HIPK2: variants seen among roughly 807,000 people sequenced by gnomAD.
HIPK2 encodes homeodomain interacting protein kinase 2, also known as homeodomain-interacting protein kinase 2.
HIPK2 carries 27 observed loss-of-function variants against 113.7 expected under a neutral mutation model. The ratio of observed to expected loss-of-function variants is 0.24; its 90% confidence interval spans 0.17 to 0.33. The LOEUF is 0.33. HIPK2 is among the 10% of genes least tolerant of loss of function. The pLI is 1.00. For synonymous variants in HIPK2, 631 were observed against 642.2 expected (o/e 0.98, Z 0.26); for missense variants, 1,257 against 1,588.0 (o/e 0.79, Z 3.54).
Position 139,613,412 on chromosome 7 carries a change from CT to C in HIPK2, c.1991-90del. On this transcript the variant is annotated intron_variant, in intron 8 of 14. Coordinates refer to ENST00000406875, the MANE Select transcript of HIPK2 (RefSeq NM_022740.5). The surrounding 1 kb of genome is among the most constrained non-coding windows in gnomAD (Gnocchi z 4.2). Reference sequence around the variant, plus strand: ...GAACCTTCCTGGGCAGTTATGTCAACTTTCTGCTTCCCTTTGCACTGGTCAC... The same window carrying C: ...GAACCTTCCTGGGCAGTTATGTCAACTTCTGCTTCCCTTTGCACTGGTCAC... 6.7e-7 allele frequency: 1 copy of C among 1,497,938 alleles called. No homozygotes were observed. The highest frequency in any genetic ancestry group is 9.1e-7 in the Non-Finnish European group (1 of 1,103,444). 92.8% of individuals were successfully genotyped at this position (1,497,938 alleles called of 1,614,324 possible).
At chr7:139,619,079 G>A (rs1168197221) in intron 7 of HIPK2, among the ~76,000 whole-genome samples, 1 of 152,140 alleles carries the variant, frequency 6.6e-6, no homozygotes, top group Non-Finnish European at 1.5e-5. Context: ...CAGATACCAG[G>A]TGGTGTCTCC....
At position 139,621,923 on chromosome 7, in the gene HIPK2, A is replaced by G. The variant is rs572663385; in HGVS notation, c.1620-1360T>C. On this transcript the variant is annotated intron_variant, in intron 6 of 14. Transcript: ENST00000406875. ...GGGTGACAGGGTGAGACCCTGTCTCAGGAAAAAAAAAAAAAAAAAAATTAA... is the reference window on the plus strand; with the variant it reads ...GGGTGACAGGGTGAGACCCTGTCTCGGGAAAAAAAAAAAAAAAAAAATTAA... 1.1e-4 allele frequency among the ~76,000 whole-genome samples: 14 copies of G among 128,198 alleles called. 1 individual carries two copies. The East Asian group carries it at 2.4e-3, about 22-fold the overall frequency. 84.1% of individuals were successfully genotyped at this position (128,198 alleles called of 152,430 possible).
intron 1 of HIPK2, among the ~76,000 whole-genome samples, chr7:139,771,298 T>C (rs1796645124): frequency 6.6e-6 from 1 of 152,110 alleles, no homozygotes; most frequent in South Asian, 2.1e-4. Flanking sequence ...ACTTATGGCC[T>C]CTGCATTCTG....
chr7:139,629,466 A>G (rs973066543), intron 4 of HIPK2, among the ~76,000 whole-genome samples: 1 of 152,238 alleles, frequency 6.6e-6, no homozygotes, highest in African/African-American at 2.4e-5. Flanking sequence ...GTTCTAAAGC[A>G]CATTTATTCA....
At chr7:139,664,089 C>T (rs1478531870) in intron 2 of HIPK2, among the ~76,000 whole-genome samples, 1 of 152,226 alleles carries the variant, frequency 6.6e-6, no homozygotes, top group East Asian at 1.9e-4. Context: ...AGCGTCCTCC[C>T]CTCATGCCCA....
chr7:139,717,391 C>T (rs1293936895), intron 1 of HIPK2, among the ~76,000 whole-genome samples: 5 of 152,182 alleles, frequency 3.3e-5, no homozygotes, highest in Admixed American at 3.3e-4. Context: ...TCTGCTGTCA[C>T]GTACTTCGTT....
chr7:139,573,574 G>A (rs531970020), intron 14 of HIPK2, among the ~76,000 whole-genome samples, 177 bp from the exon 15 acceptor site: 2 of 152,308 alleles, frequency 1.3e-5, no homozygotes, highest in South Asian at 4.1e-4. Flanking sequence ...TGGCGCAGTG[G>A]CTCACGCCTG....
At chr7:139,710,985 CTG>C (rs1795048197) in intron 2 of HIPK2, among the ~76,000 whole-genome samples, 1 of 149,124 alleles carries the variant, frequency 6.7e-6, no homozygotes, top group South Asian at 2.1e-4. Context: ...CCCCGCAGAA[CTG>C]TGAGTCAATT....
At chr7:139,685,234 G>T (rs773855027) in intron 2 of HIPK2, among the ~76,000 whole-genome samples, 1 of 152,146 alleles carries the variant, frequency 6.6e-6, no homozygotes, top group Non-Finnish European at 1.5e-5. Flanking sequence ...GCAGTGGCAC[G>T]ATCTCAGCTC....
chr7:139,728,646 A>C (rs1276725350), intron 1 of HIPK2, among the ~76,000 whole-genome samples: 1 of 152,250 alleles, frequency 6.6e-6, no homozygotes, highest in Non-Finnish European at 1.5e-5. Flanking sequence ...ACATTCTGAG[A>C]TATGGAAGGT....
chr7:139,735,106 G>C (rs1015308178), intron 1 of HIPK2, among the ~76,000 whole-genome samples: 1 of 152,176 alleles, frequency 6.6e-6, no homozygotes, highest in Non-Finnish European at 1.5e-5. Context: ...TGTCGAGGGG[G>C]GAAGGGAATA....
In HIPK2 at chr7:139,680,979, C is replaced by T. The variant is rs186011828; in HGVS notation, c.1103+34953G>A. ...GCCATGGGTTTCCTGTGGAGAACAT[C>T]GTCACGCTATATTCATCTTTCCTCT... On this transcript the variant is annotated intron_variant, in intron 2 of 14. Coordinates refer to ENST00000406875, the MANE Select transcript of HIPK2 (RefSeq NM_022740.5). Among the ~76,000 whole-genome samples, 105 of 152,356 alleles carry T rather than the reference C, an allele frequency of 6.9e-4. No individual in the cohort carries two copies. The East Asian group carries it at 0.018, about 26-fold the overall frequency.
intron 2 of HIPK2, among the ~76,000 whole-genome samples, chr7:139,684,626 AGAATC>A (rs1457107318): frequency 6.6e-6 from 1 of 152,194 alleles, no homozygotes; most frequent in African/African-American, 2.4e-5. Context: ...TGGATGCAGG[AGAATC>A]ACTTGAATCC....
chr7:139,565,879 T>TA lies in HIPK2; in HGVS notation c.*7047dup, dbSNP rs1183467600. On this transcript the variant is annotated 3_prime_UTR_variant, in exon 15 of 15. Coordinates refer to ENST00000406875, the MANE Select transcript of HIPK2 (RefSeq NM_022740.5). ...CTGTCAGGATAATTATCAAGTGCAG[T>TA]AAAAAATAGCATTTTGAAAAAAATA... 1 of 152,092 alleles carries TA rather than the reference T, an allele frequency of 6.6e-6. No individual in the cohort carries two copies. The highest frequency in any genetic ancestry group is 2.4e-5 in the African/African-American group (1 of 41,428). 9.4% of individuals were successfully genotyped at this position (152,092 alleles called of 1,614,324 possible). A position where few individuals can be genotyped will look rare whatever the true frequency, so the allele number is the denominator to read the frequency against.
intron 2 of HIPK2, among the ~76,000 whole-genome samples, chr7:139,698,156 C>T (rs1794614859): frequency 6.6e-6 from 1 of 152,242 alleles, no homozygotes; most frequent in Non-Finnish European, 1.5e-5. Flanking sequence ...TGAGCTACTG[C>T]ACCTAGCCAT....
chr7:139,591,498 C>T (rs1799024006), intron 12 of HIPK2, among the ~76,000 whole-genome samples: 1 of 152,186 alleles, frequency 6.6e-6, no homozygotes, highest in Non-Finnish European at 1.5e-5. Context: ...CCTCCTTCTT[C>T]CCTGTGGAAA....
At chr7:139,642,121 G>A (rs1468772762) in intron 2 of HIPK2, among the ~76,000 whole-genome samples, 4 of 152,190 alleles carry the variant, frequency 2.6e-5, no homozygotes, top group Admixed American at 1.3e-4. Flanking sequence ...GAAAAAGTCC[G>A]TTCCCACAAA....
intron 2 of HIPK2, among the ~76,000 whole-genome samples, chr7:139,636,215 C>T (rs531082303): frequency 1.5e-4 from 23 of 152,116 alleles, no homozygotes; most frequent in African/African-American, 5.5e-4. Flanking sequence ...GTTTTCATGA[C>T]ATCGCTTGCT....
At chr7:139,657,258 T>G (rs1801703170) in intron 2 of HIPK2, among the ~76,000 whole-genome samples, 1 of 152,212 alleles carries the variant, frequency 6.6e-6, no homozygotes, top group South Asian at 2.1e-4. Flanking sequence ...CTGCACTGTG[T>G]CCACCTTGCA....
Sources: gnomAD v4.1 joint callset for allele counts (sites outside exome capture counted in the v4.1 genomes callset) on GRCh38, gnomAD v4.1.1 for gene constraint, Gnocchi (gnomAD v3.1) non-coding constraint, MANE v1.5 for transcripts, NCBI Gene and HGNC (gene_info 2026-07-23, HGNC 2026-07-21) for gene names.